The following KCND2 variants were observed in gnomAD, a reference collection of about 807,000 sequenced individuals.
KCND2 encodes potassium voltage-gated channel subfamily D member 2.
In KCND2, 16 loss-of-function variants were observed where a neutral mutation model predicts 54.4. The ratio of observed to expected loss-of-function variants is 0.29; its 90% CI spans 0.20 to 0.45. The LOEUF (loss-of-function observed/expected upper bound fraction) is 0.45. Among genes scored for constraint, KCND2 ranks in the 20% least tolerant of loss-of-function variants. The probability of loss-of-function intolerance (pLI) is 1.00; values close to 1 mark genes in which losing one functional copy is unlikely to be tolerated. For missense variants in KCND2, 486 were observed against 824.2 expected (o/e 0.59, Z 5.02); for synonymous variants, 317 against 310.7 (o/e 1.02, Z -0.21).
chr7:120,400,175 T>C (rs189135133), intron 1 of KCND2, among the ~76,000 whole-genome samples: 1 of 152,304 alleles, frequency 6.6e-6, no homozygotes, highest in Admixed American at 6.5e-5. Flanking sequence ...CATGACTCTT[T>C]TGTTTTGACT....
intron 1 of KCND2, among the ~76,000 whole-genome samples, chr7:120,525,667 T>G (rs1292851606): frequency 2.0e-5 from 3 of 152,154 alleles, no homozygotes; most frequent in African/African-American, 4.8e-5. Flanking sequence ...AACAATAACT[T>G]TATACAAGCT....
intron 1 of KCND2, among the ~76,000 whole-genome samples, chr7:120,518,832 G>A (rs542605971): frequency 3.3e-5 from 5 of 152,228 alleles, no homozygotes; most frequent in South Asian, 4.1e-4. Flanking sequence ...CTTTGCCGAC[G>A]TGAAAAAGAT....
intron 1 of KCND2, among the ~76,000 whole-genome samples, chr7:120,588,547 A>G (rs1444193437): frequency 6.6e-6 from 1 of 152,072 alleles, no homozygotes; most frequent in Non-Finnish European, 1.5e-5. Context: ...CTGCTTGTAG[A>G]AAGATAAGCA....
Position 120,747,287 on chromosome 7 carries a change from G to A in KCND2, c.1716-394G>A, listed in dbSNP as rs551632267. On this transcript the variant is annotated intron_variant, in intron 5 of 5. Transcript: ENST00000331113. The stretch of plus-strand genomic sequence containing the variant: ...AGACATGAAAATAAAAATATTCTGT[G>A]GTCAAAGGAATTAAGAAATCAATGT... 1.1e-4 allele frequency among the ~76,000 whole-genome samples: 16 copies of A among 152,094 alleles called. No individual in the cohort carries two copies. The East Asian group carries it at 3.1e-3, about 29-fold the overall frequency.
intron 2 of KCND2, among the ~76,000 whole-genome samples, chr7:120,739,801 A>G (rs1048650311): frequency 1.8e-5 from 2 of 110,896 alleles, no homozygotes; most frequent in African/African-American, 1.3e-4. Flanking sequence ...CAAAAGAAAC[A>G]CACACACACA....
chr7:120,713,976 C>A (rs2116077762), intron 1 of KCND2, among the ~76,000 whole-genome samples: 1 of 152,180 alleles, frequency 6.6e-6, no homozygotes, highest in Non-Finnish European at 1.5e-5. Flanking sequence ...TTTCTCTTTG[C>A]AATAATTTAT....
At chr7:120,320,818 G>T (rs1799884293) in intron 1 of KCND2, among the ~76,000 whole-genome samples, 1 of 152,148 alleles carries the variant, frequency 6.6e-6, no homozygotes, top group Admixed American at 6.6e-5. Flanking sequence ...AGAGTCAGGG[G>T]TAGAACCATT....
intron 1 of KCND2, among the ~76,000 whole-genome samples, chr7:120,403,408 C>A (rs1047582625): frequency 6.6e-6 from 1 of 151,816 alleles, no homozygotes; most frequent in African/African-American, 2.4e-5. Context: ...CCTCTGCCTC[C>A]CGTGTTCAAG....
At chr7:120,481,728 C>G (rs1160015967) in intron 1 of KCND2, among the ~76,000 whole-genome samples, 1 of 152,080 alleles carries the variant, frequency 6.6e-6, no homozygotes, top group African/African-American at 2.4e-5. Flanking sequence ...GCAGAGGGAC[C>G]CAGGTGTAGT....
intron 1 of KCND2, among the ~76,000 whole-genome samples, chr7:120,414,895 T>C (rs1801504008): frequency 1.3e-5 from 2 of 152,176 alleles, no homozygotes; most frequent in African/African-American, 4.8e-5. Flanking sequence ...CTGCCTTCTT[T>C]TCAATTCTTA....
intron 1 of KCND2, among the ~76,000 whole-genome samples, chr7:120,415,839 C>G (rs1453381665): frequency 1.3e-5 from 2 of 152,194 alleles, no homozygotes; most frequent in Non-Finnish European, 2.9e-5. Context: ...AAGTCCAAAG[C>G]TACACAATAC....
intron 1 of KCND2, among the ~76,000 whole-genome samples, chr7:120,614,209 C>T (rs972609540): frequency 3.9e-5 from 6 of 152,124 alleles, no homozygotes; most frequent in African/African-American, 4.8e-5. Context: ...GACAGGGTTT[C>T]GCCATGTTGG....
At chr7:120,582,194 C>T (rs1384529150) in intron 1 of KCND2, among the ~76,000 whole-genome samples, 1 of 152,096 alleles carries the variant, frequency 6.6e-6, no homozygotes, top group African/African-American at 2.4e-5. Flanking sequence ...AGTTCCACAG[C>T]AGTGTTAATC....
chr7:120,433,057 G>T (rs1801817002), intron 1 of KCND2, among the ~76,000 whole-genome samples: 1 of 152,186 alleles, frequency 6.6e-6, no homozygotes, highest in African/African-American at 2.4e-5. Context: ...CCTACCTCTT[G>T]CTGTGACTTT....
At chr7:120,322,154 T>C (rs1184820806) in intron 1 of KCND2, among the ~76,000 whole-genome samples, 3 of 151,960 alleles carry the variant, frequency 2.0e-5, no homozygotes, top group Non-Finnish European at 2.9e-5. Flanking sequence ...TAAATATTGA[T>C]ATGTCAGTAA....
chr7:120,461,895 T>C (rs1802289089), intron 1 of KCND2, among the ~76,000 whole-genome samples: 1 of 152,082 alleles, frequency 6.6e-6, no homozygotes, highest in South Asian at 2.1e-4. Flanking sequence ...AATTTTAAAA[T>C]ATACTCAAGA....
chr7:120,320,511 C>T (rs1020623117), intron 1 of KCND2, among the ~76,000 whole-genome samples: 21 of 152,116 alleles, frequency 1.4e-4, no homozygotes, highest in African/African-American at 4.8e-4. Context: ...AAGGCCTTTC[C>T]ACTCTACAAA....
chr7:120,540,541 T>G (rs1205428452), intron 1 of KCND2, among the ~76,000 whole-genome samples: 2 of 152,164 alleles, frequency 1.3e-5, no homozygotes, highest in African/African-American at 2.4e-5. Context: ...GACATTACAT[T>G]TTTCTTAATT....
Position 120,456,277 on chromosome 7 carries a change from G to A in KCND2, c.1115+180530G>A, listed in dbSNP as rs998097955. Among the ~76,000 whole-genome samples the A allele has an allele frequency of 5.3e-5, 8 of 152,274 alleles. No individual in the cohort carries two copies. The South Asian group carries it at 1.7e-3, about 32-fold the overall frequency. On this transcript the variant is annotated intron_variant, in intron 1 of 5. Transcript: ENST00000331113. ...AGAAGTAATGACTAGGTAGGTGGGT[G>A]ACATTGGGCAATTTACCTAACTTCT... is the stretch of plus-strand genomic sequence containing the variant.
Sources: allele counts gnomAD v4.1 joint callset (sites outside exome capture counted in the v4.1 genomes callset), GRCh38; gene constraint gnomAD v4.1.1; transcripts MANE v1.5; gene names NCBI Gene and HGNC (gene_info 2026-07-23, HGNC 2026-07-21).